The following SLC12A2 variants were observed in gnomAD, a reference collection of about 807,000 sequenced individuals.
The protein encoded by SLC12A2 is Na-K-2Cl cotransporter 1.
In SLC12A2, 67 loss-of-function variants were observed where a neutral mutation model predicts 136.3. That is an observed-to-expected ratio of 0.49 (90% CI 0.40 to 0.60). The LOEUF (loss-of-function observed/expected upper bound fraction) is 0.60. Ranked by LOEUF, SLC12A2 falls within the 20% of genes least tolerant of loss-of-function variation. The probability of loss-of-function intolerance (pLI) is 0.00; values close to 1 mark genes in which losing one functional copy is unlikely to be tolerated. For missense variants in SLC12A2, 1,322 were observed against 1,534.7 expected, an observed-to-expected ratio of 0.86 and a Z score of 2.32; for synonymous variants, 619 against 562.9, an observed-to-expected ratio of 1.10 and a Z score of -1.41.
chr5:128,163,872 C>T (rs991133777), intron 17 of SLC12A2, among the ~76,000 whole-genome samples: 20 of 152,020 alleles, frequency 1.3e-4, no homozygotes, highest in Non-Finnish European at 2.2e-4. Flanking sequence ...TGTTTCTTAA[C>T]GGCGCGGTAG....
At chr5:128,159,895 C>A (rs1488090128) in intron 16 of SLC12A2, among the ~76,000 whole-genome samples, 1 of 152,122 alleles carries the variant, frequency 6.6e-6, no homozygotes, top group African/African-American at 2.4e-5. Context: ...TGGGTATATA[C>A]CCAAAGGATT....
intron 1 of SLC12A2, among the ~76,000 whole-genome samples, chr5:128,087,928 A>G (rs1258033306): frequency 2.0e-5 from 3 of 151,840 alleles, no homozygotes; most frequent in Middle Eastern, 3.4e-3. Context: ...TGGTTGGGAG[A>G]AGTTTGTATT....
At chr5:128,177,888 G>T (rs596027) in intron 21 of SLC12A2, among the ~76,000 whole-genome samples, 1 of 152,112 alleles carries the variant, frequency 6.6e-6, no homozygotes, top group Non-Finnish European at 1.5e-5. Flanking sequence ...GAACTCCTTG[G>T]TGTATTGTTC....
rs1561699787 is a variant in SLC12A2 at position 128,167,811 on chromosome 5, G to A, written c.2667G>A (p.Lys889=). Residue 889 remains lysine, a synonymous_variant, in exon 18 of 27, where the codon AAG becomes AAA. Coordinates refer to ENST00000262461, the MANE Select transcript of SLC12A2 (RefSeq NM_001046.3). ...CAAACACACTTGTCCTTGGATTTAA[G>A]AAAGATTGGTTGCAAGCAGATATGA... ...MKPNTLVLGF[K]KDWLQADMRD... 2 of 1,610,080 alleles carry A rather than the reference G, an allele frequency of 1.2e-6. No homozygotes were observed. The highest frequency in any genetic ancestry group is 2.2e-5 in the East Asian group (1 of 44,588).
rs1430581501 is a variant in SLC12A2 at position 128,109,626 on chromosome 5, A to C, written c.757-3188A>C. 5.2e-6 allele frequency: 4 copies of C among 774,826 alleles called. No homozygotes were observed. The East Asian group carries it at 9.9e-5, about 19-fold the overall frequency. The allele number at this position is 774,826 out of a possible 1,614,324, so 48.0% of individuals were successfully genotyped here. Reference sequence around the variant, plus strand: ...GCAGACATCGTCCTTCCTACCCAGTATTTCTATATTCAGACAGTGGATACA... The same window carrying C: ...GCAGACATCGTCCTTCCTACCCAGTCTTTCTATATTCAGACAGTGGATACA... On this transcript the variant is annotated intron_variant, in intron 1 of 26. Coordinates refer to ENST00000262461, the MANE Select transcript of SLC12A2 (RefSeq NM_001046.3).
chr5:128,139,947 A>G (rs1486510647), intron 9 of SLC12A2, among the ~76,000 whole-genome samples: 1 of 152,192 alleles, frequency 6.6e-6, no homozygotes, highest in African/African-American at 2.4e-5. Flanking sequence ...TGACAGAAAT[A>G]CTAATAATAT....
At chr5:128,186,461 G>GTTTTT (rs11382084) in intron 26 of SLC12A2, 35 bp from the exon 27 acceptor site, 21 of 1,323,422 alleles carry the variant, frequency 1.6e-5, no homozygotes, top group Admixed American at 4.9e-5. Context: ...ATTGCTCAGG[G>GTTTTT]TTTTTTTTTT....
intron 5 of SLC12A2, 66 bp from the exon 6 acceptor site, chr5:128,134,099 A>G: frequency 2.5e-6 from 2 of 807,244 alleles, no homozygotes; most frequent in Non-Finnish European, 4.2e-6. Flanking sequence ...AAATGTTTCA[A>G]AAGGAGTGTG....
At chr5:128,184,691 AT>A in intron 25 of SLC12A2, 97 bp from the exon 26 acceptor site, 1 of 1,572,554 alleles carries the variant, frequency 6.4e-7, no homozygotes, top group South Asian at 1.2e-5. Context: ...TTACACGAAA[AT>A]TCATTTCAGT....
intron 4 of SLC12A2, among the ~76,000 whole-genome samples, chr5:128,129,254 A>G (rs1022576761): frequency 6.6e-6 from 1 of 152,090 alleles, no homozygotes; most frequent in Admixed American, 6.5e-5. Flanking sequence ...GAAATAATTC[A>G]TTAATTTTTA....
At position 128,084,138 on chromosome 5, in the gene SLC12A2, G is replaced by A. The variant is rs542192991; in HGVS notation, c.184G>A (p.Ala62Thr). The change falls in exon 1 of 27, where the codon GCG becomes ACG. Residue 62 changes from alanine (A) to threonine (T), a missense_variant. Ala to Thr is a moderately conservative substitution (Grantham distance 58, BLOSUM62 0). This residue lies in a region of SLC12A2 where 358 missense variants were observed against 299.7 expected (regional missense o/e 1.19). Coordinates refer to ENST00000262461, the MANE Select transcript of SLC12A2 (RefSeq NM_001046.3). The surrounding 1 kb of genome is among the most constrained non-coding windows in gnomAD (Gnocchi z 5.6). ...CGGCGGGGTCCGCGATGAGGGCCCC[G>A]CGGCGGCCGGGGACGGGCTGGGCAG... ...DGGGVRDEGP[A>T]AAGDGLGRPL... The A allele has an allele frequency of 2.0e-5, 26 of 1,297,202 alleles. 1 individual carries two copies. The highest frequency in any genetic ancestry group is 1.2e-4 in the African/African-American group (8 of 64,504). The allele number at this position is 1,297,202 out of a possible 1,614,324, so 80.4% of individuals were successfully genotyped here. A position where few individuals can be genotyped will look rare whatever the true frequency, so the allele number is the denominator to read the frequency against.
intron 12 of SLC12A2, among the ~76,000 whole-genome samples, 198 bp from the exon 13 acceptor site, chr5:128,149,799 G>A (rs1039460152): frequency 1.3e-5 from 2 of 151,792 alleles, no homozygotes; most frequent in East Asian, 1.9e-4. Flanking sequence ...AGTATAAAGG[G>A]GATTCAATGG....
chr5:128,163,135 A>T (rs961463752), intron 17 of SLC12A2, among the ~76,000 whole-genome samples: 3 of 152,222 alleles, frequency 2.0e-5, no homozygotes, highest in African/African-American at 7.2e-5. Context: ...ATAGGAAAGC[A>T]ACCTGGCAAA....
intron 16 of SLC12A2, among the ~76,000 whole-genome samples, 178 bp from the exon 17 acceptor site, chr5:128,161,482 C>G (rs1763034146): frequency 6.6e-6 from 1 of 152,088 alleles, no homozygotes; most frequent in Non-Finnish European, 1.5e-5. Flanking sequence ...TCCATCACCT[C>G]TACCTTTTTG....
At chr5:128,114,463 A>G in intron 3 of SLC12A2, 123 bp from the exon 4 acceptor site, 1 of 831,206 alleles carries the variant, frequency 1.2e-6, no homozygotes. Context: ...ATAAAATGAG[A>G]TCAAAATTGG....
At chr5:128,109,806 A>G in intron 1 of SLC12A2, 2 of 802,322 alleles carry the variant, frequency 2.5e-6, no homozygotes, top group South Asian at 1.3e-5. Context: ...GGCTACAAAA[A>G]TCTGAAGATG....
At chr5:128,085,185 C>G (rs1760052779) in intron 1 of SLC12A2, among the ~76,000 whole-genome samples, 1 of 151,988 alleles carries the variant, frequency 6.6e-6, no homozygotes, top group African/African-American at 2.4e-5. Flanking sequence ...GAAGGAAAAC[C>G]TTAACAGGGT....
chr5:128,095,846 G>C (rs1760516633), intron 1 of SLC12A2, among the ~76,000 whole-genome samples: 2 of 152,108 alleles, frequency 1.3e-5, no homozygotes, highest in African/African-American at 4.8e-5. Flanking sequence ...AGAGAGGCTG[G>C]TTTGAGAATT....
intron 15 of SLC12A2, among the ~76,000 whole-genome samples, chr5:128,153,960 C>A (rs1209984875): frequency 6.7e-6 from 1 of 149,486 alleles, no homozygotes; most frequent in Non-Finnish European, 1.5e-5. Flanking sequence ...ATAGTGATGT[C>A]AAGGATGACA....
Sources: gnomAD v4.1 joint callset for allele counts (sites outside exome capture counted in the v4.1 genomes callset) on GRCh38, gnomAD v4.1.1 for gene constraint, gnomAD v4.1.1 regional missense constraint, Gnocchi (gnomAD v3.1) non-coding constraint, MANE v1.5 for transcripts, NCBI Gene and HGNC (gene_info 2026-07-23, HGNC 2026-07-21) for gene names.